The following ZNF616 variants were observed in gnomAD, a reference collection of about 807,000 sequenced individuals.
ZNF616 encodes zinc finger protein 616.
ZNF616 carries 5 observed loss-of-function variants against 7.6 expected under a neutral mutation model. The observed-to-expected ratio is 0.66, with a 90% CI of 0.34 to 1.38. The LOEUF is 1.38. Ranked by LOEUF, ZNF616 falls within the 40% of genes most tolerant of loss-of-function variation. ZNF616 has a pLI of 0.04. For missense variants in ZNF616, 913 were observed against 948.3 expected, an observed-to-expected ratio of 0.96 and a Z score of 0.49; for synonymous variants, 319 against 317.2, an observed-to-expected ratio of 1.01 and a Z score of -0.06.
intron 2 of ZNF616, among the ~76,000 whole-genome samples, chr19:52,126,890 A>G (rs1466297816): frequency 6.6e-6 from 1 of 152,242 alleles, no homozygotes; most frequent in Non-Finnish European, 1.5e-5. Context: ...TAATGTGAAT[A>G]TATCTAACAT....
chr19:52,118,756 A>AGAAATCTGT (rs2088845071), intron 3 of ZNF616, among the ~76,000 whole-genome samples: 1 of 152,238 alleles, frequency 6.6e-6, no homozygotes, highest in African/African-American at 2.4e-5. Context: ...TATTTAACAA[A>AGAAATCTGT]GAAATCTGTG....
chr19:52,115,803 A>C lies in ZNF616; in HGVS notation c.1361T>G (p.Val454Gly). The C allele has an allele frequency of 6.2e-7, 1 of 1,608,650 alleles. No homozygotes were observed. Among genetic ancestry groups the C allele is most frequent in the Non-Finnish European group, 8.5e-7 (1 of 1,177,638 alleles). Reference protein sequence around the residue: ...KVYSKHSHLAVHWRIHTGEKA... With the variant: ...KVYSKHSHLAGHWRIHTGEKA... The stretch of plus-strand genomic sequence containing the variant: ...CTCGCCGGTATGAATTCTCCAATGC[A>C]CTGCAAGATGTGAATGCTTACTGTA... Residue 454 changes from valine to glycine, a missense_variant, in exon 4 of 4, where the codon GTG becomes GGG. By Grantham distance (109) the Val-to-Gly change is moderately radical. Transcript: ENST00000600228.
chr19:52,125,105 C>CA (rs1158953221), intron 2 of ZNF616, among the ~76,000 whole-genome samples: 4 of 152,294 alleles, frequency 2.6e-5, no homozygotes, highest in African/African-American at 9.6e-5. Flanking sequence ...GAAAAACACT[C>CA]AGACCACAGC....
intron 1 of ZNF616, chr19:52,138,446 CA>C (rs2089031876): frequency 6.6e-6 from 1 of 152,126 alleles, no homozygotes; most frequent in Non-Finnish European, 1.5e-5. Context: ...AACCACCATC[CA>C]TATCCAATCA....
rs757373521 is a variant in ZNF616, at chr19:52,115,878, C to A, written c.1286G>T (p.Arg429Ile). ...GTAAGTTTTCTGTCCAGTATGAATT[C>A]TCTGATGCACTGCAAGACTTGAACG... ...SKRSSLAVHQ[R>I]IHTGQKTYKC... The change falls in exon 4 of 4, where the codon AGA (arginine) becomes ATA (isoleucine). Residue 429 changes from arginine (R) to isoleucine (I), a missense_variant. Transcript: ENST00000600228. 2.5e-5 allele frequency: 41 copies of A among 1,614,056 alleles called. No individual in the cohort carries two copies. The highest frequency in any genetic ancestry group is 1.3e-4 in the Admixed American group (8 of 59,988).
chr19:52,128,198 A>AC (rs1457651295), intron 2 of ZNF616, among the ~76,000 whole-genome samples: 1 of 151,990 alleles, frequency 6.6e-6, no homozygotes, highest in African/African-American at 2.4e-5. Context: ...AAAAAAAAAA[A>AC]AAAAAACTTA....
rs1467481934 is a variant in ZNF616, at chr19:52,116,205, G to A, written c.959C>T (p.Thr320Ile). ...ATTACATTTGAAGGGTCTCTCTCCA[G>A]TATGAACTGTCTGATGAAGTCTAAG... The part of the protein sequence containing the change: ...VHLRLHQTVH[T>I]GERPFKCNEC... Residue 320 changes from threonine (T) to isoleucine (I), a missense_variant, in exon 4 of 4, where the codon ACT becomes ATT. Coordinates refer to ENST00000600228, the MANE Select transcript of ZNF616 (RefSeq NM_178523.5). 4.3e-6 allele frequency: 7 copies of A among 1,614,150 alleles called. No homozygotes were observed. Among genetic ancestry groups the A allele is most frequent in the Non-Finnish European group, 5.9e-6 (7 of 1,180,036 alleles).
chr19:52,120,534 T>G (rs1260404580), intron 3 of ZNF616, among the ~76,000 whole-genome samples: 2 of 152,196 alleles, frequency 1.3e-5, no homozygotes, highest in Non-Finnish European at 2.9e-5. Context: ...TGAATGAATT[T>G]TAAAAACAGG....
chr19:52,116,507 G>A lies in ZNF616; in HGVS notation c.657C>T (p.Gly219=), dbSNP rs758615744. The change falls in exon 4 of 4, where the codon GGC becomes GGT. Residue 219 remains glycine (G), a synonymous_variant. Transcript: ENST00000600228. The part of the protein sequence containing the change: ...TEKPYKCNEC[G]KAFHRASLLT... ...GTAGTGAGGCCCGATGAAAGGCTTT[G>A]CCACACTCATTGCATTTGTAAGGTT... 1.9e-6 allele frequency: 3 copies of A among 1,614,066 alleles called. No individual in the cohort carries two copies. Among genetic ancestry groups the A allele is most frequent in the Middle Eastern group, 1.6e-4 (1 of 6,062 alleles).
chr19:52,130,398 A>C, intron 2 of ZNF616, 103 bp downstream of exon 2: 1 of 1,033,498 alleles, frequency 9.7e-7, no homozygotes, highest in South Asian at 1.3e-5. Flanking sequence ...GACACTTCAG[A>C]CTCAGAGAAG....
chr19:52,125,268 G>A (rs1407029275), intron 2 of ZNF616, among the ~76,000 whole-genome samples: 2 of 152,172 alleles, frequency 1.3e-5, no homozygotes, highest in Admixed American at 1.3e-4. Context: ...AGATATGGGT[G>A]AGACTCAAAA....
chr19:52,128,062 G>A (rs1206624362), intron 2 of ZNF616, among the ~76,000 whole-genome samples: 1 of 152,064 alleles, frequency 6.6e-6, no homozygotes, highest in Admixed American at 6.6e-5. Context: ...AACTGAAAGA[G>A]TGATTGCCTC....
intron 1 of ZNF616, among the ~76,000 whole-genome samples, chr19:52,132,088 A>G (rs2122168621): frequency 6.6e-6 from 1 of 152,274 alleles, no homozygotes; most frequent in Middle Eastern, 3.4e-3. Context: ...TTTAGAAACT[A>G]TGCATTTCCC....
chr19:52,135,600 C>T lies in ZNF616; in HGVS notation c.-77+4132G>A, dbSNP rs118062587. Among the ~76,000 whole-genome samples, 846 of 152,294 alleles carry T rather than the reference C, an allele frequency of 5.6e-3. 3 individuals carry two copies. Among genetic ancestry groups the T allele is most frequent in the South Asian group, 0.015 (70 of 4,826 alleles). On this transcript the variant is annotated intron_variant, in intron 1 of 3. Transcript: ENST00000600228. The stretch of plus-strand genomic sequence containing the variant: ...GTTCCATGCCCTCAGGACCAATGCA[C>T]CACCACTCCAGCTGCCCACTCTCCC...
chr19:52,115,161 T>C lies in ZNF616; in HGVS notation c.2003A>G (p.Lys668Arg), dbSNP rs557216913. 1.2e-6 allele frequency: 2 copies of C among 1,614,186 alleles called. No homozygotes were observed. Among genetic ancestry groups the C allele is most frequent in the Non-Finnish European group, 8.5e-7 (1 of 1,180,028 alleles). Residue 668 changes from lysine to arginine, a missense_variant, in exon 4 of 4, where the codon AAA becomes AGA. Lys to Arg is a conservative substitution (Grantham distance 26). Coordinates refer to ENST00000600228, the MANE Select transcript of ZNF616 (RefSeq NM_178523.5). ...GAGGTTTGAGCTCCGTTTAAAGGTT[T>C]TGCCACACTCATTACATTTGTAAGG... The part of the protein sequence containing the change: ...DRPYKCNECG[K>R]TFKRSSNLTA...
chr19:52,118,798 G>C (rs992489397), intron 3 of ZNF616, among the ~76,000 whole-genome samples: 2 of 152,144 alleles, frequency 1.3e-5, no homozygotes, highest in Non-Finnish European at 2.9e-5. Context: ...TTCTAGACTA[G>C]CTAACAGCAC....
At chr19:52,122,346 G>A (rs1360902573) in intron 3 of ZNF616, 1 of 152,028 alleles carries the variant, frequency 6.6e-6, no homozygotes, top group African/African-American at 2.4e-5. Context: ...TTAGCCAGGT[G>A]TGGTGGCACA....
intron 1 of ZNF616, among the ~76,000 whole-genome samples, chr19:52,137,410 G>A (rs1045547928): frequency 2.0e-5 from 3 of 151,894 alleles, no homozygotes; most frequent in Non-Finnish European, 2.9e-5. Context: ...GCGACAGAGC[G>A]AGCGAGACTC....
chr19:52,122,167 C>T (rs1215704457), intron 3 of ZNF616: 3 of 151,182 alleles, frequency 2.0e-5, no homozygotes, highest in Non-Finnish European at 4.4e-5. Context: ...AAACTTACTA[C>T]AGAAAAGCAA....
Sources: gnomAD v4.1 joint callset for allele counts (sites outside exome capture counted in the v4.1 genomes callset) on GRCh38, gnomAD v4.1.1 for gene constraint, MANE v1.5 for transcripts, NCBI Gene and HGNC (gene_info 2026-07-23, HGNC 2026-07-21) for gene names.